WDR70: variants seen among roughly 807,000 people sequenced by gnomAD.
The protein encoded by WDR70 is WD repeat domain 70.
In WDR70, 53 loss-of-function variants were observed where a neutral mutation model predicts 88.6. The observed-to-expected ratio is 0.60, with a 90% CI of 0.48 to 0.75. The LOEUF is 0.75. Ranked by LOEUF, WDR70 falls within the 30% of genes least tolerant of loss-of-function variation. The probability of loss-of-function intolerance (pLI) is 0.00; values close to 1 mark genes in which losing one functional copy is unlikely to be tolerated. For synonymous variants in WDR70, 280 were observed against 270.0 expected (o/e 1.04, Z -0.36); for missense variants, 610 against 823.2 (o/e 0.74, Z 3.17).
chr5:37,483,963 C>T (rs1397480926), intron 8 of WDR70, among the ~76,000 whole-genome samples: 7 of 151,352 alleles, frequency 4.6e-5, no homozygotes, highest in East Asian at 2.0e-4. Context: ...GACGGGGCGG[C>T]GGGGCAGAGG....
intron 7 of WDR70, among the ~76,000 whole-genome samples, chr5:37,477,717 C>T (rs1392574975): frequency 6.6e-6 from 1 of 152,214 alleles, no homozygotes; most frequent in African/African-American, 2.4e-5. Context: ...TACTTGTCCC[C>T]TTTCATATGT....
intron 9 of WDR70, among the ~76,000 whole-genome samples, chr5:37,532,475 C>T (rs1047244536): frequency 6.6e-6 from 1 of 152,030 alleles, no homozygotes; most frequent in Non-Finnish European, 1.5e-5. Context: ...TCTTCTTTGT[C>T]CTTGATGGAT....
At chr5:37,416,072 G>A (rs1404670404) in intron 5 of WDR70, among the ~76,000 whole-genome samples, 1 of 151,454 alleles carries the variant, frequency 6.6e-6, no homozygotes, top group African/African-American at 2.4e-5. Flanking sequence ...GACGATGGGC[G>A]GCCAGGCAGA....
chr5:37,508,258 T>C (rs752423838), intron 8 of WDR70, among the ~76,000 whole-genome samples: 14 of 152,236 alleles, frequency 9.2e-5, no homozygotes, highest in Non-Finnish European at 1.5e-4. Context: ...GGATTCTCTA[T>C]GATGCGATTA....
intron 7 of WDR70, among the ~76,000 whole-genome samples, chr5:37,444,648 GAC>G (rs1204868259): frequency 2.0e-4 from 30 of 152,156 alleles, no homozygotes; most frequent in Admixed American, 8.5e-4. Context: ...TGGCCCATAA[GAC>G]ACTCTCTTTT....
intron 10 of WDR70, among the ~76,000 whole-genome samples, chr5:37,623,288 A>G (rs1012333119): frequency 1.3e-5 from 2 of 152,160 alleles, no homozygotes; most frequent in Non-Finnish European, 2.9e-5. Flanking sequence ...TTATTCCCAG[A>G]GTCCTTTATA....
intron 9 of WDR70, among the ~76,000 whole-genome samples, chr5:37,524,654 G>A (rs1378995650): frequency 6.6e-6 from 1 of 152,116 alleles, no homozygotes; most frequent in African/African-American, 2.4e-5. Context: ...ATGTAAATGG[G>A]CTAAATGCTC....
chr5:37,535,593 A>G (rs971493741), intron 9 of WDR70, among the ~76,000 whole-genome samples: 1 of 152,196 alleles, frequency 6.6e-6, no homozygotes, highest in African/African-American at 2.4e-5. Flanking sequence ...GTACCATAAT[A>G]TTATTGGAAA....
chr5:37,453,196 C>A (rs1253042754), intron 7 of WDR70, among the ~76,000 whole-genome samples: 1 of 152,060 alleles, frequency 6.6e-6, no homozygotes, highest in Non-Finnish European at 1.5e-5. Context: ...AGACCCTAAC[C>A]CAGTGGCACT....
chr5:37,678,553 A>G (rs1746309687), intron 10 of WDR70, among the ~76,000 whole-genome samples: 1 of 152,164 alleles, frequency 6.6e-6, no homozygotes, highest in Non-Finnish European at 1.5e-5. Flanking sequence ...AATGTTGAAT[A>G]TTGGCCCCCA....
chr5:37,382,636 T>C (rs569443187), intron 3 of WDR70, among the ~76,000 whole-genome samples: 252 of 152,278 alleles, frequency 1.7e-3, no homozygotes, highest in Admixed American at 2.9e-3. Flanking sequence ...GGTCTTGATC[T>C]CTTGATCTTG....
At chr5:37,606,596 T>TA (rs1388048481) in intron 10 of WDR70, among the ~76,000 whole-genome samples, 1 of 152,056 alleles carries the variant, frequency 6.6e-6, no homozygotes, top group Non-Finnish European at 1.5e-5. Context: ...AAATAAGGAG[T>TA]ATCTCCTATT....
intron 10 of WDR70, among the ~76,000 whole-genome samples, chr5:37,637,070 G>A (rs999698401): frequency 2.6e-5 from 4 of 152,060 alleles, no homozygotes; most frequent in African/African-American, 4.8e-5. Context: ...GGCCAGGCGT[G>A]GTAGCTCACG....
chr5:37,388,422 C>A, intron 3 of WDR70, among the ~76,000 whole-genome samples: 1 of 74,772 alleles, frequency 1.3e-5, no homozygotes, highest in Non-Finnish European at 2.5e-5. Context: ...AGCTGAAATA[C>A]AGACTTTTTT....
intron 17 of WDR70, among the ~76,000 whole-genome samples, chr5:37,752,096 G>T (rs1468155000): frequency 6.6e-6 from 1 of 152,132 alleles, no homozygotes; most frequent in East Asian, 1.9e-4. Context: ...TTAATAAATG[G>T]TCTTAATAAA....
chr5:37,445,742 C>T (rs1311553315), intron 7 of WDR70, among the ~76,000 whole-genome samples: 1 of 152,126 alleles, frequency 6.6e-6, no homozygotes, highest in Non-Finnish European at 1.5e-5. Context: ...TTCAACAGCC[C>T]TTCATGCTAA....
intron 13 of WDR70, 86 bp from the exon 14 acceptor site, chr5:37,721,029 T>C: frequency 3.7e-6 from 4 of 1,084,726 alleles, no homozygotes; most frequent in East Asian, 2.4e-5. Context: ...ATATTTGATA[T>C]AGTAGACTAG....
intron 7 of WDR70, among the ~76,000 whole-genome samples, 168 bp downstream of exon 7, chr5:37,443,540 C>A (rs1176503255): frequency 2.0e-5 from 3 of 152,184 alleles, no homozygotes; most frequent in Admixed American, 2.0e-4. Flanking sequence ...ACGAGCCTTA[C>A]ATTTCTTTTG....
At chr5:37,449,608 AAAT>A (rs1191343318) in intron 7 of WDR70, among the ~76,000 whole-genome samples, 10 of 65,662 alleles carry the variant, frequency 1.5e-4, no homozygotes, top group African/African-American at 3.2e-4. Flanking sequence ...AAAAAATAAA[AAAT>A]AAAAAATAAA....
Sources: gnomAD v4.1 joint callset for allele counts (sites outside exome capture counted in the v4.1 genomes callset) on GRCh38, gnomAD v4.1.1 for gene constraint, MANE v1.5 for transcripts, NCBI Gene and HGNC (gene_info 2026-07-23, HGNC 2026-07-21) for gene names.